NTRK3: variants seen among roughly 807,000 people sequenced by gnomAD.
NTRK3 encodes neurotrophic receptor tyrosine kinase 3.
In NTRK3, 24 loss-of-function variants were observed where a neutral mutation model predicts 91.7. The observed-to-expected ratio is 0.26, with a 90% CI of 0.19 to 0.37. The LOEUF is 0.37. Ranked by LOEUF, NTRK3 falls within the 10% of genes least tolerant of loss-of-function variation. The pLI is 1.00. For missense variants in NTRK3, 880 were observed against 1,068.9 expected (o/e 0.82, Z 2.46); for synonymous variants, 483 against 404.0 (o/e 1.20, Z -2.34).
At chr15:88,115,021 G>C (rs1351024219) in intron 13 of NTRK3, among the ~76,000 whole-genome samples, 1 of 152,144 alleles carries the variant, frequency 6.6e-6, no homozygotes, top group South Asian at 2.1e-4. Context: ...CACAAATACA[G>C]ATAGCCATTT....
intron 14 of NTRK3, among the ~76,000 whole-genome samples, chr15:88,031,814 T>A (rs2078563596): frequency 6.6e-6 from 1 of 152,156 alleles, no homozygotes; most frequent in African/African-American, 2.4e-5. Context: ...CTACAAAGAC[T>A]GTACTCCAAG....
chr15:87,941,747 C>G (rs2069882494), intron 14 of NTRK3, among the ~76,000 whole-genome samples: 1 of 152,242 alleles, frequency 6.6e-6, no homozygotes, highest in Non-Finnish European at 1.5e-5. Flanking sequence ...TAATTAAGGT[C>G]TGTGTGCCTG....
At chr15:88,157,191 G>A (rs1457910808) in intron 5 of NTRK3, among the ~76,000 whole-genome samples, 2 of 152,018 alleles carry the variant, frequency 1.3e-5, no homozygotes, top group African/African-American at 2.4e-5. Flanking sequence ...TGGGTGTCAA[G>A]AGGATGAAGG....
intron 14 of NTRK3, among the ~76,000 whole-genome samples, chr15:87,994,863 A>G (rs2075571005): frequency 6.6e-6 from 1 of 152,178 alleles, no homozygotes; most frequent in South Asian, 2.1e-4. Flanking sequence ...CAGCTGTGGA[A>G]TTTAGATGTG....
chr15:88,230,009 G>A (rs377060869), intron 3 of NTRK3, among the ~76,000 whole-genome samples: 1 of 152,206 alleles, frequency 6.6e-6, no homozygotes, highest in Non-Finnish European at 1.5e-5. Flanking sequence ...ACCATAGACT[G>A]TCATCTGTAA....
At position 88,255,780 on chromosome 15, in the gene NTRK3, C is replaced by T; in HGVS notation, c.248+126G>A. On this transcript the variant is annotated intron_variant, in intron 3 of 18. Coordinates refer to ENST00000394480, the Ensembl canonical transcript of NTRK3. The surrounding 1 kb of genome is among the most constrained non-coding windows in gnomAD (Gnocchi z 4.3). Reference sequence around the variant, plus strand: ...CTCCCGAGCCAGAGCGAGCCTGACGCGCGCCCAGCGGGCGGCGGGCAGCGG... The same window carrying T: ...CTCCCGAGCCAGAGCGAGCCTGACGTGCGCCCAGCGGGCGGCGGGCAGCGG... 2.0e-5 allele frequency: 15 copies of T among 734,810 alleles called. No homozygotes were observed. Among genetic ancestry groups the T allele is most frequent in the Non-Finnish European group, 2.9e-5 (15 of 520,952 alleles). 45.5% of individuals were successfully genotyped at this position (734,810 alleles called of 1,614,324 possible). A position where few individuals can be genotyped will look rare whatever the true frequency, so the allele number is the denominator to read the frequency against.
chr15:88,037,296 T>A (rs1596879016), intron 13 of NTRK3, among the ~76,000 whole-genome samples: 2 of 152,204 alleles, frequency 1.3e-5, no homozygotes, highest in African/African-American at 4.8e-5. Context: ...GCGCAGTGGT[T>A]TATGCTTGTA....
rs1434105549 is a variant in NTRK3, at chr15:88,255,998, G to A, written c.156C>T (p.Asn52=). The change falls in exon 3 of 19, where the codon AAC becomes AAT. Residue 52 remains asparagine (N), a synonymous_variant. Transcript: ENST00000394480. This position sits in a 1 kb window ranked among gnomAD's most constrained non-coding sequence, Gnocchi z 4.3. ...CCTGCCCTTCCAGGAGGGGGAAGAG[G>A]TTCCCATCGTCCGGCCGCCGGCAAT... 1.9e-6 allele frequency: 3 copies of A among 1,613,538 alleles called. No homozygotes were observed. The highest frequency in any genetic ancestry group is 2.5e-6 in the Non-Finnish European group (3 of 1,179,830).
chr15:88,203,842 A>G (rs76670179), intron 3 of NTRK3, among the ~76,000 whole-genome samples: 1 of 152,170 alleles, frequency 6.6e-6, no homozygotes, highest in African/African-American at 2.4e-5. Flanking sequence ...AATAAAAATA[A>G]TTTTTTTAAA....
chr15:87,911,891 A>G (rs2067107514), intron 17 of NTRK3, among the ~76,000 whole-genome samples: 1 of 152,244 alleles, frequency 6.6e-6, no homozygotes, highest in African/African-American at 2.4e-5. Flanking sequence ...GCCCTTAAAG[A>G]ACTTCTAAGC....
chr15:87,981,031 A>G (rs539637853), intron 14 of NTRK3, among the ~76,000 whole-genome samples: 12 of 152,238 alleles, frequency 7.9e-5, no homozygotes, highest in African/African-American at 1.4e-4. Context: ...CCTAGGCCCT[A>G]TGAAGCTTCC....
intron 13 of NTRK3, among the ~76,000 whole-genome samples, chr15:88,106,683 G>A (rs2050740570): frequency 6.6e-6 from 1 of 151,636 alleles, no homozygotes; most frequent in African/African-American, 2.4e-5. Context: ...TGTAATCCCA[G>A]CACTTTGGGA....
At chr15:88,155,727 GAA>G (rs1284208480) in intron 5 of NTRK3, among the ~76,000 whole-genome samples, 1 of 152,162 alleles carries the variant, frequency 6.6e-6, no homozygotes, top group South Asian at 2.1e-4. Flanking sequence ...GTTAAAGAGT[GAA>G]AAGAGGTGAA....
At chr15:87,885,831 A>C in intron 17 of NTRK3, 96 bp from the exon 18 acceptor site, 1 of 454,940 alleles carries the variant, frequency 2.2e-6, no homozygotes, top group Non-Finnish European at 3.7e-6. Flanking sequence ...AATAAGACAC[A>C]TGTTCAAGAA....
At chr15:88,163,453 C>A (rs1183743006) in intron 5 of NTRK3, among the ~76,000 whole-genome samples, 1 of 152,212 alleles carries the variant, frequency 6.6e-6, no homozygotes. Flanking sequence ...GTTTTCCCCA[C>A]TCACATGCTC....
chr15:87,899,133 T>C (rs1278204801), intron 17 of NTRK3, among the ~76,000 whole-genome samples: 1 of 152,138 alleles, frequency 6.6e-6, no homozygotes, highest in Admixed American at 6.6e-5. Context: ...CTTATAAATA[T>C]TTGCAAGAGG....
At chr15:87,940,537 C>G (rs2069730703) in intron 15 of NTRK3, 86 bp downstream of exon 15, 2 of 1,593,584 alleles carry the variant, frequency 1.3e-6, no homozygotes, top group Admixed American at 3.3e-5. Context: ...TGAGCACTAT[C>G]TTCTCAAATG....
chr15:87,865,980 C>T (rs1261848150), exon 19 of NTRK3: 1 of 231,458 alleles, frequency 4.3e-6, no homozygotes, highest in African/African-American at 2.2e-5. Context: ...AGTCACTCAG[C>T]TCAGCACCCA....
At chr15:87,999,228 C>G (rs1420077859) in intron 14 of NTRK3, among the ~76,000 whole-genome samples, 1 of 152,290 alleles carries the variant, frequency 6.6e-6, no homozygotes, top group East Asian at 1.9e-4. Context: ...TATAATACTG[C>G]ATCCCCACAC....
Sources: gnomAD v4.1 joint callset for allele counts (sites outside exome capture counted in the v4.1 genomes callset) on GRCh38, gnomAD v4.1.1 for gene constraint, Gnocchi (gnomAD v3.1) non-coding constraint, MANE v1.5 for transcripts, NCBI Gene and HGNC (gene_info 2026-07-23, HGNC 2026-07-21) for gene names.